The following COL19A1 variants were observed in gnomAD, a reference collection of about 807,000 sequenced individuals.
COL19A1 encodes collagen alpha-1(XIX) chain.
In COL19A1, 159 loss-of-function variants were observed where a neutral mutation model predicts 190.2. The observed-to-expected ratio is 0.84, with a 90% CI of 0.73 to 0.95. The LOEUF is 0.95. Among genes scored for constraint, COL19A1 ranks in the 40% least tolerant of loss-of-function variants. COL19A1 has a pLI of 0.00. For synonymous variants in COL19A1, 509 were observed against 458.9 expected, an observed-to-expected ratio of 1.11 and a Z score of -1.39; for missense variants, 1,418 against 1,431.9, an observed-to-expected ratio of 0.99 and a Z score of 0.16.
chr6:70,064,220 A>C (rs1781032335), intron 14 of COL19A1, among the ~76,000 whole-genome samples: 1 of 152,198 alleles, frequency 6.6e-6, no homozygotes, highest in Admixed American at 6.5e-5. Flanking sequence ...TCAATGCCAA[A>C]ATCCTCAATA....
At chr6:69,977,357 G>A (rs189348144) in intron 11 of COL19A1, among the ~76,000 whole-genome samples, 1 of 126,406 alleles carries the variant, frequency 7.9e-6, no homozygotes, top group Non-Finnish European at 1.6e-5. Context: ...GGTGGGAGTT[G>A]AACAATGAGA....
At chr6:70,057,414 A>G (rs190157063) in intron 14 of COL19A1, among the ~76,000 whole-genome samples, 1 of 152,256 alleles carries the variant, frequency 6.6e-6, no homozygotes, top group African/African-American at 2.4e-5. Context: ...ATAGTCAAGA[A>G]TAATTTAAAA....
intron 11 of COL19A1, among the ~76,000 whole-genome samples, chr6:69,963,499 G>A (rs1774921369): frequency 6.6e-6 from 1 of 152,142 alleles, no homozygotes; most frequent in African/African-American, 2.4e-5. Flanking sequence ...GCTGAGGGTA[G>A]CAGTCAGCCC....
intron 14 of COL19A1, among the ~76,000 whole-genome samples, chr6:70,044,461 G>T (rs561065255): frequency 6.6e-6 from 1 of 152,256 alleles, no homozygotes; most frequent in East Asian, 1.9e-4. Flanking sequence ...GTGTATCTCA[G>T]CTTTCAGTAC....
intron 16 of COL19A1, among the ~76,000 whole-genome samples, chr6:70,103,022 C>T (rs764367844): frequency 6.6e-5 from 10 of 152,124 alleles, no homozygotes; most frequent in Non-Finnish European, 1.2e-4. Flanking sequence ...TCTTCTACCC[C>T]CTACATGTTG....
chr6:70,039,232 A>G (rs980077104), intron 14 of COL19A1, among the ~76,000 whole-genome samples: 3 of 152,188 alleles, frequency 2.0e-5, no homozygotes, highest in African/African-American at 7.2e-5. Flanking sequence ...ATGTGCAGGC[A>G]CGCTCGAGAA....
Position 70,010,452 on chromosome 6 carries a change from G to T in COL19A1, c.1027-13175G>T, listed in dbSNP as rs147013171. 9.3e-3 allele frequency among the ~76,000 whole-genome samples: 1,354 copies of T among 145,616 alleles called. 99 individuals carry two copies. The highest frequency in any genetic ancestry group is 0.033 in the African/African-American group (1,261 of 38,204). On this transcript the variant is annotated intron_variant, in intron 11 of 50. Transcript: ENST00000620364. ...TCTGCATTTCCATCTGAGGTACCGGGTTCATCTCACTAGGGAGTGCCAGAG... is the reference window on the plus strand; with the variant it reads ...TCTGCATTTCCATCTGAGGTACCGGTTTCATCTCACTAGGGAGTGCCAGAG...
intron 17 of COL19A1, among the ~76,000 whole-genome samples, chr6:70,124,797 A>C (rs1383655134): frequency 6.6e-6 from 1 of 152,220 alleles, no homozygotes; most frequent in Non-Finnish European, 1.5e-5. Context: ...GATGCACTAT[A>C]ACCATTTAGC....
chr6:70,185,041 C>G (rs928823102), intron 46 of COL19A1, 126 bp downstream of exon 46: 1 of 797,178 alleles, frequency 1.3e-6, no homozygotes, highest in Middle Eastern at 2.6e-4. Flanking sequence ...AGGGTGTAGG[C>G]GATCAAAGAT....
At chr6:70,118,717 GAAGT>G (rs1582955680) in intron 16 of COL19A1, among the ~76,000 whole-genome samples, 1 of 152,188 alleles carries the variant, frequency 6.6e-6, no homozygotes, top group Non-Finnish European at 1.5e-5. Context: ...TGAAAATGTA[GAAGT>G]AATTTTTATG....
intron 16 of COL19A1, among the ~76,000 whole-genome samples, chr6:70,108,166 C>A (rs1391918976): frequency 6.6e-6 from 1 of 152,086 alleles, no homozygotes; most frequent in African/African-American, 2.4e-5. Context: ...TAGGTATTAG[C>A]CCATCCATTT....
At position 70,210,039 on chromosome 6, in the gene COL19A1, A is replaced by T. The variant is rs1458964715; in HGVS notation, c.*2765A>T. ...TTCCAAAACATGTGTTTATTTCCAC[A>T]TAGATGTTAATGATGTTCAAAGCAG... On this transcript the variant is annotated 3_prime_UTR_variant, in exon 51 of 51. Coordinates refer to ENST00000620364, the MANE Select transcript of COL19A1 (RefSeq NM_001858.6). The T allele has an allele frequency of 6.6e-6, 1 of 152,184 alleles. No homozygotes were observed. The highest frequency in any genetic ancestry group is 1.5e-5 in the Non-Finnish European group (1 of 68,016). 9.4% of individuals were successfully genotyped at this position (152,184 alleles called of 1,614,324 possible).
intron 15 of COL19A1, among the ~76,000 whole-genome samples, chr6:70,099,335 C>T (rs1411346916): frequency 1.3e-5 from 2 of 152,096 alleles, no homozygotes. Flanking sequence ...CATGGCACCA[C>T]AAGTGGAAAA....
At chr6:70,080,502 A>G (rs1218825924) in intron 15 of COL19A1, among the ~76,000 whole-genome samples, 2 of 152,166 alleles carry the variant, frequency 1.3e-5, no homozygotes, top group Non-Finnish European at 2.9e-5. Context: ...TTACAAGAGC[A>G]TTTCTGTTAT....
At chr6:70,188,049 C>A (rs372838561) in intron 46 of COL19A1, 26 bp from the exon 47 acceptor site, 1 of 1,611,700 alleles carries the variant, frequency 6.2e-7, no homozygotes, top group Non-Finnish European at 8.5e-7. Flanking sequence ...AGAGATTATT[C>A]TTTGTTATTA....
intron 11 of COL19A1, among the ~76,000 whole-genome samples, chr6:69,987,882 G>A (rs1243480315): frequency 6.6e-6 from 1 of 152,188 alleles, no homozygotes; most frequent in East Asian, 1.9e-4. Flanking sequence ...CAGGGTTACA[G>A]TAAAAGGGAA....
At chr6:70,195,588 T>A (rs897391214) in intron 48 of COL19A1, among the ~76,000 whole-genome samples, 2 of 152,116 alleles carry the variant, frequency 1.3e-5, no homozygotes, top group African/African-American at 4.8e-5. Context: ...TTTAAGATAA[T>A]AATAAACCCT....
chr6:69,903,585 C>T lies in COL19A1; in HGVS notation c.266+3247C>T, dbSNP rs57502617. On this transcript the variant is annotated intron_variant, in intron 4 of 50. Coordinates refer to ENST00000620364, the MANE Select transcript of COL19A1 (RefSeq NM_001858.6). ...CGCACTTACTAACTGCTTCCCAGTCCGGGGGGTTGTTATCCATAAATGCAC... is the reference window on the plus strand; with the variant it reads ...CGCACTTACTAACTGCTTCCCAGTCTGGGGGGTTGTTATCCATAAATGCAC... Among the ~76,000 whole-genome samples, 1,233 of 152,210 alleles carry T rather than the reference C, an allele frequency of 8.1e-3. 17 individuals are homozygous for T. Among genetic ancestry groups the T allele is most frequent in the African/African-American group, 0.025 (1,057 of 41,522 alleles).
chr6:70,182,352 T>C (rs1766227936), intron 44 of COL19A1, among the ~76,000 whole-genome samples: 2 of 152,090 alleles, frequency 1.3e-5, no homozygotes, highest in East Asian at 1.9e-4. Context: ...TGGGGCAGAC[T>C]GAAGGTAGGT....
Sources: gnomAD v4.1 joint callset for allele counts (sites outside exome capture counted in the v4.1 genomes callset) on GRCh38, gnomAD v4.1.1 for gene constraint, MANE v1.5 for transcripts, NCBI Gene and HGNC (gene_info 2026-07-23, HGNC 2026-07-21) for gene names.